The following DYM variants were observed in gnomAD, a reference collection of about 807,000 sequenced individuals.
DYM encodes the protein dyggve-Melchior-Clausen syndrome protein.
DYM carries 78 observed loss-of-function variants against 93.1 expected under a neutral mutation model. The ratio of observed to expected loss-of-function variants is 0.84; its 90% confidence interval spans 0.70 to 1.01. DYM has a LOEUF of 1.01. Ranked by LOEUF, DYM falls within the 50% of genes least tolerant of loss-of-function variation. DYM has a pLI of 0.00. For missense variants in DYM, 789 were observed against 845.0 expected (o/e 0.93, Z 0.82); for synonymous variants, 321 against 319.7 (o/e 1.00, Z -0.04).
At chr18:49,129,694 C>A (rs1322806551) in intron 15 of DYM, among the ~76,000 whole-genome samples, 1 of 152,080 alleles carries the variant, frequency 6.6e-6, no homozygotes, top group Admixed American at 6.5e-5. Flanking sequence ...ATGGAGCAGG[C>A]GACTGAAGAG....
chr18:49,068,986 T>C lies in DYM; in HGVS notation c.2026-24782A>G, dbSNP rs114452220. Among the ~76,000 whole-genome samples, 960 of 152,342 alleles carry C rather than the reference T, an allele frequency of 6.3e-3. 11 individuals are homozygous for C. Among genetic ancestry groups the C allele is most frequent in the African/African-American group, 0.021 (890 of 41,564 alleles). On this transcript the variant is annotated intron_variant, in intron 17 of 17. Transcript: ENST00000675505. The stretch of plus-strand genomic sequence containing the variant: ...TTTCAGTTTTTGCTTATTGTGAGAA[T>C]AGAATGTATATTGAGGAGACACAGG...
At chr18:49,212,018 T>C (rs896699335) in intron 13 of DYM, among the ~76,000 whole-genome samples, 2 of 152,160 alleles carry the variant, frequency 1.3e-5, no homozygotes, top group Non-Finnish European at 2.9e-5. Flanking sequence ...ATGGAACAAG[T>C]AGATGTCATG....
At chr18:49,311,733 G>C (rs111679697) in intron 8 of DYM, among the ~76,000 whole-genome samples, 2 of 126,168 alleles carry the variant, frequency 1.6e-5, no homozygotes, top group Non-Finnish European at 3.3e-5. Context: ...GTTGTGGGGT[G>C]GGGGGAGGGG....
rs564254318 is a variant in DYM at position 49,413,900 on chromosome 18, C to G, written c.140+16355G>C. Among the ~76,000 whole-genome samples, 12 of 152,212 alleles carry G rather than the reference C, an allele frequency of 7.9e-5. 1 individual carries two copies. In the South Asian group the frequency reaches 2.1e-3, roughly 26 times the overall value. ...TGGTGCACACTTGTAATCCCAACTA[C>G]TTGGGAGGCTGAGGCGGGAGGACAA... On this transcript the variant is annotated intron_variant, in intron 2 of 17. Transcript: ENST00000675505.
At chr18:49,237,457 T>C (rs2093905642) in intron 13 of DYM, among the ~76,000 whole-genome samples, 1 of 152,232 alleles carries the variant, frequency 6.6e-6, no homozygotes. Flanking sequence ...TAGAGTGTTA[T>C]ACAACAAGAC....
chr18:49,289,749 A>ATG (rs2059946099), intron 8 of DYM, among the ~76,000 whole-genome samples: 1 of 48,620 alleles, frequency 2.1e-5, no homozygotes, highest in African/African-American at 8.8e-5. Context: ...ATATATATAT[A>ATG]TATATATATA....
At chr18:49,185,211 A>G (rs934152596) in intron 14 of DYM, among the ~76,000 whole-genome samples, 1 of 152,236 alleles carries the variant, frequency 6.6e-6, no homozygotes, top group Admixed American at 6.5e-5. Context: ...CATCCCCAAG[A>G]AAAGTTTCAT....
At chr18:49,385,292 TCTGA>T (rs1181985554) in intron 3 of DYM, among the ~76,000 whole-genome samples, 3 of 151,960 alleles carry the variant, frequency 2.0e-5, no homozygotes, top group South Asian at 2.1e-4. Flanking sequence ...CTACAGGGAG[TCTGA>T]CTATCATAAA....
chr18:49,192,647 T>A (rs911634272), intron 14 of DYM, among the ~76,000 whole-genome samples: 35 of 152,326 alleles, frequency 2.3e-4, no homozygotes, highest in African/African-American at 7.5e-4. Flanking sequence ...TTTTTTATAC[T>A]GTACAATGTG....
intron 1 of DYM, among the ~76,000 whole-genome samples, chr18:49,450,239 A>G (rs1325807260): frequency 2.0e-5 from 3 of 152,244 alleles, no homozygotes; most frequent in Non-Finnish European, 1.5e-5. Context: ...GTCTTAAGAC[A>G]CTAATCTGCC....
At chr18:49,408,676 T>C (rs1280620914) in intron 2 of DYM, among the ~76,000 whole-genome samples, 1 of 152,226 alleles carries the variant, frequency 6.6e-6, no homozygotes, top group African/African-American at 2.4e-5. Context: ...ATGGATTGTT[T>C]TCCCTCTAAA....
At chr18:49,429,809 C>T (rs2074636203) in intron 2 of DYM, among the ~76,000 whole-genome samples, 1 of 152,080 alleles carries the variant, frequency 6.6e-6, no homozygotes, top group Non-Finnish European at 1.5e-5. Flanking sequence ...AACAGAAAAA[C>T]CAATTAAATA....
At chr18:49,201,885 C>T (rs1483125013) in intron 14 of DYM, among the ~76,000 whole-genome samples, 1 of 152,078 alleles carries the variant, frequency 6.6e-6, no homozygotes, top group African/African-American at 2.4e-5. Flanking sequence ...TGATTTTTTC[C>T]CAATGGTATT....
At chr18:49,326,555 T>C (rs1446541069) in intron 8 of DYM, among the ~76,000 whole-genome samples, 2 of 152,080 alleles carry the variant, frequency 1.3e-5, no homozygotes, top group Non-Finnish European at 2.9e-5. Flanking sequence ...TAAAAGGTAT[T>C]AGTAATTCTT....
intron 6 of DYM, among the ~76,000 whole-genome samples, chr18:49,346,687 G>T (rs2064629722): frequency 2.0e-5 from 3 of 152,078 alleles, no homozygotes; most frequent in African/African-American, 2.4e-5. Context: ...AAATGAGAAA[G>T]TTCTATATAG....
intron 9 of DYM, among the ~76,000 whole-genome samples, chr18:49,282,833 T>A (rs1443724816): frequency 6.6e-6 from 1 of 151,642 alleles, no homozygotes; most frequent in Non-Finnish European, 1.5e-5. Context: ...TAACCATGAG[T>A]CCTAAATAAA....
At chr18:49,305,345 T>C (rs2061210613) in intron 8 of DYM, among the ~76,000 whole-genome samples, 1 of 152,110 alleles carries the variant, frequency 6.6e-6, no homozygotes, top group Admixed American at 6.6e-5. Context: ...TCACCACAAA[T>C]CTCAAGTGCA....
At chr18:49,158,681 T>A (rs1455694372) in intron 15 of DYM, among the ~76,000 whole-genome samples, 1 of 152,162 alleles carries the variant, frequency 6.6e-6, no homozygotes, top group African/African-American at 2.4e-5. Flanking sequence ...CATAAATAAG[T>A]AAGAACGTGT....
At chr18:49,450,175 GTAT>G (rs1269455143) in intron 1 of DYM, among the ~76,000 whole-genome samples, 2 of 152,078 alleles carry the variant, frequency 1.3e-5, no homozygotes, top group Non-Finnish European at 2.9e-5. Context: ...ATTCAAAAGG[GTAT>G]TATATGGTCT....
Sources: allele counts gnomAD v4.1 joint callset (sites outside exome capture counted in the v4.1 genomes callset), GRCh38; gene constraint gnomAD v4.1.1; transcripts MANE v1.5; gene names NCBI Gene and HGNC (gene_info 2026-07-23, HGNC 2026-07-21).